The following DLGAP1 variants were observed in gnomAD, a reference collection of about 807,000 sequenced individuals.
DLGAP1 encodes the protein DLG associated protein 1.
Under a neutral mutation model 90.8 loss-of-function variants are expected in DLGAP1, and 11 were observed. That is an observed-to-expected ratio of 0.12 (90% CI 0.08 to 0.20). DLGAP1 has a LOEUF of 0.20. Ranked by LOEUF, DLGAP1 falls within the 10% of genes least tolerant of loss-of-function variation. The pLI is 1.00. For synonymous variants in DLGAP1, 558 were observed against 540.7 expected (o/e 1.03, Z -0.44); for missense variants, 1,050 against 1,333.8 (o/e 0.79, Z 3.31).
At chr18:3,580,876 T>G (rs577298948) in intron 8 of DLGAP1, 1 of 1,010,864 alleles carries the variant, frequency 9.9e-7, no homozygotes, top group Non-Finnish European at 1.5e-6. Context: ...GGTTGTACCC[T>G]GCAGTAGCGT....
chr18:4,144,127 T>C (rs554717994), intron 2 of DLGAP1, among the ~76,000 whole-genome samples: 1 of 152,218 alleles, frequency 6.6e-6, no homozygotes, highest in African/African-American at 2.4e-5. Context: ...TCCGACTAGA[T>C]CGTGAGCACG....
intron 3 of DLGAP1, among the ~76,000 whole-genome samples, chr18:3,916,129 C>G (rs1357845580): frequency 6.6e-6 from 1 of 152,210 alleles, no homozygotes; most frequent in Admixed American, 6.5e-5. Flanking sequence ...TTGCTCTCTG[C>G]TGTCCACCAC....
chr18:3,549,898 A>T (rs2053282607), intron 9 of DLGAP1, among the ~76,000 whole-genome samples: 1 of 151,816 alleles, frequency 6.6e-6, no homozygotes, highest in African/African-American at 2.4e-5. Context: ...TTATTTAATT[A>T]ATTAATTTAT....
chr18:4,257,342 A>G (rs1431940903), intron 1 of DLGAP1, among the ~76,000 whole-genome samples: 1 of 152,228 alleles, frequency 6.6e-6, no homozygotes, highest in Non-Finnish European at 1.5e-5. Context: ...GGGAAAATAG[A>G]GTCTGATGTC....
intron 5 of DLGAP1, among the ~76,000 whole-genome samples, chr18:3,810,795 G>A (rs939620682): frequency 6.6e-6 from 1 of 151,774 alleles, no homozygotes; most frequent in South Asian, 2.1e-4. Context: ...TTTCAATCTG[G>A]TTAAACTATT....
In DLGAP1 at chr18:4,276,402, G is replaced by A. The variant is rs546969879; in HGVS notation, c.-266-125115C>T. On this transcript the variant is annotated intron_variant, in intron 1 of 12. Transcript: ENST00000315677. ...TGTAACCCCAGCACTTTGGGAGGCT[G>A]AGGCAGGCGGATCACTCGAGGTCAG... 5.4e-4 allele frequency among the ~76,000 whole-genome samples: 82 copies of A among 152,148 alleles called. 5 individuals are homozygous for A. In the East Asian group the frequency reaches 0.016, roughly 29 times the overall value.
chr18:4,004,206 C>T (rs2074254340), intron 3 of DLGAP1, among the ~76,000 whole-genome samples: 2 of 152,284 alleles, frequency 1.3e-5, no homozygotes, highest in East Asian at 1.9e-4. Flanking sequence ...GATGATGTAT[C>T]TTCCATTACT....
chr18:4,173,276 A>G (rs948270804), intron 1 of DLGAP1, among the ~76,000 whole-genome samples: 31 of 152,132 alleles, frequency 2.0e-4, no homozygotes, highest in African/African-American at 6.5e-4. Flanking sequence ...CAGAGCCCCA[A>G]TCTCAGGCTT....
intron 2 of DLGAP1, among the ~76,000 whole-genome samples, chr18:4,116,316 G>A (rs1049478913): frequency 1.4e-4 from 21 of 152,178 alleles, no homozygotes; most frequent in Admixed American, 6.5e-4. Context: ...TAATGTGTCC[G>A]AGCGTGAATT....
At chr18:3,667,173 A>T (rs2059914736) in intron 7 of DLGAP1, among the ~76,000 whole-genome samples, 1 of 151,324 alleles carries the variant, frequency 6.6e-6, no homozygotes, top group African/African-American at 2.4e-5. Flanking sequence ...CACCTCCCAG[A>T]CTCAAGCGAT....
At chr18:3,658,272 G>T (rs2059570811) in intron 7 of DLGAP1, among the ~76,000 whole-genome samples, 1 of 152,104 alleles carries the variant, frequency 6.6e-6, no homozygotes, top group Admixed American at 6.6e-5. Context: ...TTTTGTTTTT[G>T]ATATAATTTA....
At chr18:3,576,713 C>T (rs2055169421) in intron 8 of DLGAP1, among the ~76,000 whole-genome samples, 1 of 151,744 alleles carries the variant, frequency 6.6e-6, no homozygotes. Context: ...TACAGGCATG[C>T]ACCACCATGC....
At chr18:4,314,818 A>C (rs1273361894) in intron 1 of DLGAP1, among the ~76,000 whole-genome samples, 1 of 152,204 alleles carries the variant, frequency 6.6e-6, no homozygotes, top group Non-Finnish European at 1.5e-5. Flanking sequence ...GAAAAGTCTA[A>C]TTGGTAGACA....
At chr18:3,645,354 T>C (rs1214310455) in intron 7 of DLGAP1, among the ~76,000 whole-genome samples, 2 of 148,392 alleles carry the variant, frequency 1.3e-5, no homozygotes, top group Admixed American at 6.6e-5. Context: ...ATTTTTTTAA[T>C]ACAGAAAATG....
intron 7 of DLGAP1, among the ~76,000 whole-genome samples, chr18:3,702,464 A>G (rs2061313221): frequency 6.6e-6 from 1 of 152,212 alleles, no homozygotes; most frequent in African/African-American, 2.4e-5. Context: ...GGCAATAGAC[A>G]AGTTCCCAAG....
At chr18:4,237,556 G>A (rs1422492663) in intron 1 of DLGAP1, among the ~76,000 whole-genome samples, 2 of 152,136 alleles carry the variant, frequency 1.3e-5, no homozygotes, top group East Asian at 3.9e-4. Flanking sequence ...TGCCTTTTCT[G>A]AGACTGACTC....
intron 2 of DLGAP1, among the ~76,000 whole-genome samples, chr18:4,099,227 C>T (rs2143846959): frequency 6.6e-6 from 1 of 152,090 alleles, no homozygotes; most frequent in South Asian, 2.1e-4. Flanking sequence ...GAGCCTGGAA[C>T]TTGAAAATAG....
At chr18:4,381,569 CT>C (rs2082120188) in intron 1 of DLGAP1, among the ~76,000 whole-genome samples, 1 of 152,060 alleles carries the variant, frequency 6.6e-6, no homozygotes, top group African/African-American at 2.4e-5. Context: ...CCTGCTTTTC[CT>C]TTCTGTTAAT....
chr18:4,447,775 C>T (rs1203800628), intron 1 of DLGAP1, among the ~76,000 whole-genome samples: 1 of 152,098 alleles, frequency 6.6e-6, no homozygotes, highest in Admixed American at 6.5e-5. Context: ...ATTTCTACTT[C>T]CCTGGACTTG....
Sources: gnomAD v4.1 joint callset for allele counts (sites outside exome capture counted in the v4.1 genomes callset) on GRCh38, gnomAD v4.1.1 for gene constraint, MANE v1.5 for transcripts, NCBI Gene and HGNC (gene_info 2026-07-23, HGNC 2026-07-21) for gene names.